SLIT3: variants seen among roughly 807,000 people sequenced by gnomAD.
SLIT3 encodes the protein slit guidance ligand 3.
A neutral mutation model predicts 184.0 loss-of-function variants in SLIT3; 68 were observed. The ratio of observed to expected loss-of-function variants is 0.37; its 90% CI spans 0.30 to 0.45. The LOEUF (loss-of-function observed/expected upper bound fraction) is 0.45. Ranked by LOEUF, SLIT3 falls within the 20% of genes least tolerant of loss-of-function variation. The probability of loss-of-function intolerance (pLI) is 1.00; values close to 1 mark genes in which losing one functional copy is unlikely to be tolerated. For missense variants in SLIT3, 1,707 were observed against 2,026.0 expected, an observed-to-expected ratio of 0.84 and a Z score of 3.02; for synonymous variants, 831 against 828.6, an observed-to-expected ratio of 1.00 and a Z score of -0.05.
At chr5:169,112,831 C>T (rs1760460347) in intron 4 of SLIT3, among the ~76,000 whole-genome samples, 1 of 152,206 alleles carries the variant, frequency 6.6e-6, no homozygotes, top group East Asian at 1.9e-4. Context: ...GTGCTTAGTT[C>T]CCAAAAGCCA....
chr5:168,962,550 G>GA (rs1554085371), intron 4 of SLIT3, among the ~76,000 whole-genome samples: 9 of 150,120 alleles, frequency 6.0e-5, no homozygotes, highest in Admixed American at 1.3e-4. Context: ...AGAAGTAGAA[G>GA]AAAGAAAAGA....
At chr5:169,275,400 A>G (rs1287491935) in intron 1 of SLIT3, among the ~76,000 whole-genome samples, 1 of 152,210 alleles carries the variant, frequency 6.6e-6, no homozygotes, top group Non-Finnish European at 1.5e-5. Flanking sequence ...GGCTGCCTAA[A>G]GACTTTTCCA....
intron 20 of SLIT3, 123 bp from the exon 21 acceptor site, chr5:168,724,607 C>G: frequency 3.7e-6 from 2 of 536,800 alleles, no homozygotes; most frequent in Non-Finnish European, 6.7e-6. Flanking sequence ...TAGAGCCTCC[C>G]TCCCCAACTT....
chr5:169,165,287 T>C (rs1412411588), intron 4 of SLIT3, among the ~76,000 whole-genome samples: 2 of 152,228 alleles, frequency 1.3e-5, no homozygotes, highest in African/African-American at 4.8e-5. Context: ...GAGTCTTAAC[T>C]TGTGCCTAGG....
chr5:168,770,237 A>C (rs1408376884), intron 14 of SLIT3, among the ~76,000 whole-genome samples: 3 of 152,338 alleles, frequency 2.0e-5, no homozygotes, highest in Admixed American at 2.0e-4. Context: ...CAGCTGATAG[A>C]GAGAGGCAGA....
At chr5:168,906,531 T>C (rs987475475) in intron 4 of SLIT3, among the ~76,000 whole-genome samples, 3 of 152,178 alleles carry the variant, frequency 2.0e-5, no homozygotes, top group Non-Finnish European at 4.4e-5. Context: ...GACTGTGAAT[T>C]TGAATGCAAG....
intron 26 of SLIT3, chr5:168,706,789 G>A (rs1161935155): frequency 3.9e-5 from 6 of 152,238 alleles, no homozygotes; most frequent in African/African-American, 9.6e-5. Context: ...CACAGCCATC[G>A]TCTAGAAATA....
chr5:168,961,913 A>T (rs982118892), intron 4 of SLIT3, among the ~76,000 whole-genome samples: 8 of 152,120 alleles, frequency 5.3e-5, no homozygotes, highest in East Asian at 1.9e-4. Context: ...AATTGGTCAA[A>T]GCTGTGCTTT....
intron 9 of SLIT3, among the ~76,000 whole-genome samples, chr5:168,803,647 G>A (rs1756847558): frequency 6.6e-6 from 1 of 152,194 alleles, no homozygotes; most frequent in Non-Finnish European, 1.5e-5. Context: ...TGGGCTCACT[G>A]GCTACAGCCT....
At chr5:169,152,819 G>A (rs997336642) in intron 4 of SLIT3, among the ~76,000 whole-genome samples, 11 of 152,102 alleles carry the variant, frequency 7.2e-5, no homozygotes, top group Non-Finnish European at 4.4e-5. Context: ...AGTGTGAGGG[G>A]CTGTAATGAC....
intron 14 of SLIT3, 26 bp from the exon 15 acceptor site, chr5:168,762,715 C>G: frequency 6.2e-7 from 1 of 1,607,818 alleles, no homozygotes; most frequent in Non-Finnish European, 8.5e-7. Flanking sequence ...GAGGGGACGT[C>G]AGCGTCACCC....
At chr5:169,200,462 A>T (rs1763875012) in intron 3 of SLIT3, among the ~76,000 whole-genome samples, 1 of 152,210 alleles carries the variant, frequency 6.6e-6, no homozygotes, top group Admixed American at 6.5e-5. Flanking sequence ...TATCTAGTGC[A>T]AAAGCTCCAA....
chr5:168,762,022 T>G (rs1755171213), intron 15 of SLIT3, among the ~76,000 whole-genome samples: 2 of 148,960 alleles, frequency 1.3e-5, no homozygotes, highest in South Asian at 4.3e-4. Context: ...CCTCTCCCCC[T>G]GGCCTCCCAA....
chr5:168,687,153 C>G (rs1352913359), intron 29 of SLIT3, 37 bp from the exon 30 acceptor site: 3 of 1,602,286 alleles, frequency 1.9e-6, no homozygotes, highest in Non-Finnish European at 8.5e-7. Context: ...TTCCTCAAGG[C>G]AAAGCCAGCT....
chr5:168,846,699 GATGGC>G (rs1389076920), intron 5 of SLIT3, among the ~76,000 whole-genome samples: 3 of 152,124 alleles, frequency 2.0e-5, no homozygotes, highest in Admixed American at 1.3e-4. Flanking sequence ...GGTGTGTAGA[GATGGC>G]AGTTTGTGGT....
intron 4 of SLIT3, among the ~76,000 whole-genome samples, chr5:169,027,137 A>G (rs1209877302): frequency 6.6e-6 from 1 of 152,206 alleles, no homozygotes; most frequent in Non-Finnish European, 1.5e-5. Context: ...CAAGTTGCTC[A>G]TGTGCCCTGG....
At chr5:168,729,894 T>G (rs1000883759) in intron 20 of SLIT3, among the ~76,000 whole-genome samples, 6 of 151,960 alleles carry the variant, frequency 3.9e-5, no homozygotes, top group Admixed American at 3.3e-4. Context: ...TGAATATAAA[T>G]GGATTAAATG....
chr5:169,202,047 T>A (rs1320133073), intron 3 of SLIT3, among the ~76,000 whole-genome samples: 1 of 151,928 alleles, frequency 6.6e-6, no homozygotes, highest in Non-Finnish European at 1.5e-5. Context: ...GCCTGGGAAA[T>A]ATAGTGAAAC....
chr5:168,869,502 TAAG>T (rs1260162328), intron 5 of SLIT3, among the ~76,000 whole-genome samples: 1 of 152,218 alleles, frequency 6.6e-6, no homozygotes, highest in Non-Finnish European at 1.5e-5. Flanking sequence ...TATTGCCTAC[TAAG>T]AAGGAAAGTC....
Sources: gnomAD v4.1 joint callset for allele counts (sites outside exome capture counted in the v4.1 genomes callset) on GRCh38, gnomAD v4.1.1 for gene constraint, MANE v1.5 for transcripts, NCBI Gene and HGNC (gene_info 2026-07-23, HGNC 2026-07-21) for gene names.